Variants in TEX51 observed in about 807,000 individuals in gnomAD.
TEX51 encodes testis-expressed protein 51.
Under a neutral mutation model 8.0 loss-of-function variants are expected in TEX51, and 14 were observed. That is an observed-to-expected ratio of 1.76 (90% CI 1.16 to 2.75). TEX51 has a LOEUF of 2.75. Among genes scored for constraint, TEX51 ranks in the 30% most tolerant of loss-of-function variants. TEX51 has a pLI of 0.00. For missense variants in TEX51, 142 were observed against 77.4 expected (o/e 1.83, Z -3.13); for synonymous variants, 58 against 28.6 (o/e 2.03, Z -3.29).
In TEX51 at chr2:126,901,886, G is replaced by T. The variant is rs557960110; in HGVS notation, c.*17G>T. 11 of 644,138 alleles carry T rather than the reference G, an allele frequency of 1.7e-5. No homozygotes were observed. The highest frequency in any genetic ancestry group is 1.7e-4 in the African/African-American group (9 of 54,436). 39.9% of individuals were successfully genotyped at this position (644,138 alleles called of 1,614,324 possible). On this transcript the variant is annotated 3_prime_UTR_variant, in exon 7 of 7. Coordinates refer to ENST00000568484, the MANE Select transcript of TEX51 (RefSeq NM_001322244.2). Reference sequence around the variant, plus strand: ...TCCCTCAGCAGGAACAGGGCAGCCCGCATGTCTTCCAGAAGTGAACAGAGG... The same window carrying T: ...TCCCTCAGCAGGAACAGGGCAGCCCTCATGTCTTCCAGAAGTGAACAGAGG...
At chr2:126,901,132 G>A in intron 4 of TEX51, 78 bp from the exon 5 acceptor site, 2 of 598,480 alleles carry the variant, frequency 3.3e-6, no homozygotes, top group Non-Finnish European at 6.0e-6. Context: ...CAAAGAATGA[G>A]AGGATGGTGG....
Position 126,901,392 on chromosome 2 carries a change from G to T in TEX51, c.491G>T (p.Arg164Met), listed in dbSNP as rs559448973. Residue 164 changes from arginine (R) to methionine (M), a missense_variant, in exon 6 of 7, where the codon AGG becomes ATG. Arg to Met is a moderately conservative substitution (Grantham distance 91, BLOSUM62 -1). Transcript: ENST00000568484. ...GTTTCTTTTACTGGCAAAGGAAGAA[G>T]GAGGCAGTAAAGGTACTGGGAAAGG... ...GDVSFTGKGR[R>M]RQ 1.4e-6 allele frequency: 1 copy of T among 702,374 alleles called. No individual in the cohort carries two copies. Among genetic ancestry groups the T allele is most frequent in the African/African-American group, 1.7e-5 (1 of 57,382 alleles). 43.5% of individuals were successfully genotyped at this position (702,374 alleles called of 1,614,324 possible).
Position 126,899,547 on chromosome 2 carries a change from T to G in TEX51, c.245T>G (p.Ile82Ser). The change falls in exon 3 of 7, where the codon ATC (isoleucine) becomes AGC (serine). Residue 82 changes from isoleucine (I) to serine (S), a missense_variant. Coordinates refer to ENST00000568484, the MANE Select transcript of TEX51 (RefSeq NM_001322244.2). ...GATAAAACAGTACTTCTGGAAGAGA[T>G]CTACACGCACAAGAATCTCTTTACT... ...RDDKTVLLEE[I>S]YTHKNLFTER... 5 of 702,034 alleles carry G rather than the reference T, an allele frequency of 7.1e-6. No homozygotes were observed. In the South Asian group the frequency reaches 7.4e-5, roughly 10 times the overall value. 43.5% of individuals were successfully genotyped at this position (702,034 alleles called of 1,614,324 possible).
chr2:126,900,059 C>T (rs1334271206), intron 4 of TEX51, 40 bp downstream of exon 4: 1 of 699,918 alleles, frequency 1.4e-6, no homozygotes, highest in East Asian at 2.7e-5. Flanking sequence ...CCCCTCCCTG[C>T]CCTGCATTTC....
Position 126,899,280 on chromosome 2 carries a change from C to A in TEX51, c.209C>A (p.Thr70Lys), listed in dbSNP as rs75194855. The A allele has an allele frequency of 2.8e-6, 2 of 701,980 alleles. No homozygotes were observed. Among genetic ancestry groups the A allele is most frequent in the Admixed American group, 4.0e-5 (2 of 49,954 alleles). The allele number at this position is 701,980 out of a possible 1,614,324, so 43.5% of individuals were successfully genotyped here. The stretch of plus-strand genomic sequence containing the variant: ...ACTCAAGTACACCAAGCCATTAAAA[C>A]GTTACGAGATGGTGAGGAAGCCAAG... ...FFTQVHQAIK[T>K]LRDDKTVLLE... Residue 70 changes from threonine (T) to lysine (K), a missense_variant, in exon 2 of 7, where the codon ACG (threonine) becomes AAG (lysine). Coordinates refer to ENST00000568484, the MANE Select transcript of TEX51 (RefSeq NM_001322244.2).
intron 4 of TEX51, among the ~76,000 whole-genome samples, chr2:126,900,326 G>A (rs563960372): frequency 1.3e-5 from 2 of 151,412 alleles, no homozygotes; most frequent in East Asian, 2.0e-4. Flanking sequence ...CCCGGGAGGT[G>A]GAGGTTGCAG....
intron 1 of TEX51, 57 bp from the exon 2 acceptor site, chr2:126,899,160 T>C: frequency 1.4e-6 from 1 of 702,282 alleles, no homozygotes; most frequent in Non-Finnish European, 2.6e-6. Flanking sequence ...GTGGCCTCTT[T>C]ACCTGACCTG....
Position 126,901,872 on chromosome 2 carries a change from G to C in TEX51, c.*3G>C. On this transcript the variant is annotated splice_region_variant and 3_prime_UTR_variant, in exon 7 of 7. Coordinates refer to ENST00000568484, the MANE Select transcript of TEX51 (RefSeq NM_001322244.2). ...TGCCCAGCTTCTTCTCCCTCAGCAGGAACAGGGCAGCCCGCATGTCTTCCA... is the reference window on the plus strand; with the variant it reads ...TGCCCAGCTTCTTCTCCCTCAGCAGCAACAGGGCAGCCCGCATGTCTTCCA... 1.6e-6 allele frequency: 1 copy of C among 619,278 alleles called. No individual in the cohort carries two copies. The highest frequency in any genetic ancestry group is 2.9e-6 in the Non-Finnish European group (1 of 345,988). The allele number at this position is 619,278 out of a possible 1,614,324, so 38.4% of individuals were successfully genotyped here. A position where few individuals can be genotyped will look rare whatever the true frequency, so the allele number is the denominator to read the frequency against.
At position 126,901,218 on chromosome 2, in the gene TEX51, C is replaced by CTGT; in HGVS notation, c.403_404insTGT (p.Arg135delinsLeuTrp). 1 of 659,874 alleles carries CTGT rather than the reference C, an allele frequency of 1.5e-6. No individual in the cohort carries two copies. Among genetic ancestry groups the CTGT allele is most frequent in the Non-Finnish European group, 2.8e-6 (1 of 359,548 alleles). 40.9% of individuals were successfully genotyped at this position (659,874 alleles called of 1,614,324 possible). ...CCTCTTTCACACCCCAGCCAGGAACCGGCGGACCTCCCTGTGGGCTGTGAG... is the reference window on the plus strand; with the variant it reads ...CCTCTTTCACACCCCAGCCAGGAACCTGTGGCGGACCTCCCTGTGGGCTGTGAG... On this transcript the variant is annotated protein_altering_variant, in exon 5 of 7. Transcript: ENST00000568484.
chr2:126,901,860 C>G lies in TEX51; in HGVS notation c.*3-12C>G. On this transcript the variant is annotated splice_polypyrimidine_tract_variant and intron_variant, in intron 6 of 6. Coordinates refer to ENST00000568484, the MANE Select transcript of TEX51 (RefSeq NM_001322244.2). ...TCAGGGTAGAAATGCCCAGCTTCTT[C>G]TCCCTCAGCAGGAACAGGGCAGCCC... The G allele has an allele frequency of 1.7e-6, 1 of 596,034 alleles. No individual in the cohort carries two copies. Among genetic ancestry groups the G allele is most frequent in the East Asian group, 3.0e-5 (1 of 33,200 alleles). 36.9% of individuals were successfully genotyped at this position (596,034 alleles called of 1,614,324 possible).
intron 3 of TEX51, 44 bp from the exon 4 acceptor site, chr2:126,899,892 A>C (rs1680233819): frequency 1.4e-6 from 1 of 701,972 alleles, no homozygotes; most frequent in South Asian, 1.5e-5. Context: ...GGAGGGATGA[A>C]AGGCACCTGG....
At chr2:126,900,826 C>A (rs947852094) in intron 4 of TEX51, among the ~76,000 whole-genome samples, 3 of 152,230 alleles carry the variant, frequency 2.0e-5, no homozygotes, top group Non-Finnish European at 2.9e-5. Flanking sequence ...TAAGTGCATA[C>A]AGGCAGCTCC....
intron 4 of TEX51, 93 bp downstream of exon 4, chr2:126,900,112 A>G: frequency 1.5e-6 from 1 of 687,710 alleles, no homozygotes. Flanking sequence ...GCCCAACTCA[A>G]GCTTTTCTTG....
intron 3 of TEX51, 160 bp downstream of exon 3, chr2:126,899,772 A>T (rs1680226101): frequency 1.4e-6 from 1 of 701,384 alleles, no homozygotes; most frequent in Non-Finnish European, 2.6e-6. Flanking sequence ...GCACCCCAGA[A>T]CCCCTTGGCT....
At chr2:126,899,911 A>G (rs1195576107) in intron 3 of TEX51, 25 bp from the exon 4 acceptor site, 8 of 701,900 alleles carry the variant, frequency 1.1e-5, no homozygotes, top group Non-Finnish European at 2.1e-5. Context: ...GGCACCCCCT[A>G]GCCCCTGTCC....
Position 126,899,950 on chromosome 2 carries a change from C to T in TEX51, c.325C>T (p.Leu109=). Residue 109 remains leucine, a synonymous_variant, in exon 4 of 7, where the codon CTG becomes TTG. Transcript: ENST00000568484. ...GLKEKDIQST[L]KVTSCADCRT... is the part of the protein sequence containing the mutation. The stretch of plus-strand genomic sequence containing the variant: ...CCCTCCCATAGACATACAGTCCACA[C>T]TGAAGGTCACCAGCTGTGCTGACTG... 1 of 702,114 alleles carries T rather than the reference C, an allele frequency of 1.4e-6. No individual in the cohort carries two copies. The highest frequency in any genetic ancestry group is 2.6e-6 in the Non-Finnish European group (1 of 384,818). 43.5% of individuals were successfully genotyped at this position (702,114 alleles called of 1,614,324 possible).
Position 126,899,366 on chromosome 2 carries a change from C to T in TEX51, c.220+75C>T, listed in dbSNP as rs1461682272. ...CCACCCTCCAAGGCATTCTCAGAGG[C>T]CCATGTGGCCATGGGTGGGAGGTCT... On this transcript the variant is annotated intron_variant, in intron 2 of 6. Coordinates refer to ENST00000568484, the MANE Select transcript of TEX51 (RefSeq NM_001322244.2). The T allele has an allele frequency of 5.7e-6, 4 of 697,708 alleles. No homozygotes were observed. The Admixed American group carries it at 8.1e-5, about 14-fold the overall frequency. The allele number at this position is 697,708 out of a possible 1,614,324, so 43.2% of individuals were successfully genotyped here. A position where few individuals can be genotyped will look rare whatever the true frequency, so the allele number is the denominator to read the frequency against.
At chr2:126,899,815 C>A in intron 3 of TEX51, 121 bp from the exon 4 acceptor site, 1 of 702,256 alleles carries the variant, frequency 1.4e-6, no homozygotes, top group Non-Finnish European at 2.6e-6. Context: ...AGTTTCTCTA[C>A]CTTCTCACCC....
intron 6 of TEX51, 56 bp downstream of exon 6, chr2:126,901,460 GTGTGCCCTGGGAGTC>G (rs1281027672): frequency 1.4e-6 from 1 of 700,570 alleles, no homozygotes; most frequent in Non-Finnish European, 2.6e-6. Context: ...GAAAAGCTGG[GTGTGCCCTGGGAGTC>G]TCAGGGCCTG....
Sources: gnomAD v4.1 joint callset for allele counts (sites outside exome capture counted in the v4.1 genomes callset) on GRCh38, gnomAD v4.1.1 for gene constraint, MANE v1.5 for transcripts, NCBI Gene and HGNC (gene_info 2026-07-23, HGNC 2026-07-21) for gene names.